The following CFAP47 variants were observed in gnomAD, a reference collection of about 807,000 sequenced individuals.
CFAP47 encodes the protein cilia- and flagella-associated protein 47.
Under a neutral mutation model 148.1 loss-of-function variants are expected in CFAP47, and 29 were observed. The observed-to-expected ratio is 0.20, with a 90% CI of 0.15 to 0.27. The LOEUF is 0.27. Ranked by LOEUF, CFAP47 falls within the 10% of genes least tolerant of loss-of-function variation. The pLI is 1.00. For missense variants in CFAP47, 1,872 were observed against 1,697.5 expected, an observed-to-expected ratio of 1.10 and a Z score of -1.81; for synonymous variants, 664 against 577.3, an observed-to-expected ratio of 1.15 and a Z score of -2.15.
At chrX:35,920,499 A>T (rs1473809216) in intron 1 of CFAP47, among the ~76,000 whole-genome samples, 1 of 111,897 alleles carries the variant, frequency 8.9e-6, no homozygotes, top group Non-Finnish European at 1.9e-5. Context: ...TTAAGCACCT[A>T]CTATATAACG....
rs1941884445 is a variant in CFAP47, at chrX:36,367,029, G to A, written c.9087G>A (p.Leu3029=). The change falls in exon 62 of 64, where the codon TTG becomes TTA. Residue 3029 remains leucine (L), a synonymous_variant. Coordinates refer to ENST00000378653, the MANE Select transcript of CFAP47 (RefSeq NM_001304548.2). ...GGATCTGGAAGTTTCCCATAATGTT[G>A]ATCGCTACTGAACCTGATACGGATG... ...TEGIWKFPIM[L]IATEPDTDAV... is the part of the protein sequence containing the mutation. 4.3e-6 allele frequency: 5 copies of A among 1,153,980 alleles called. No individual in the cohort carries two copies. In the East Asian group the frequency reaches 1.6e-4, roughly 38 times the overall value.
intron 50 of CFAP47, among the ~76,000 whole-genome samples, chrX:36,282,765 C>A (rs1485609924): frequency 9.0e-6 from 1 of 111,599 alleles, no homozygotes; most frequent in Non-Finnish European, 1.9e-5. Flanking sequence ...TCAAAAGATG[C>A]AATTGCATGC....
chrX:36,002,353 G>A (rs775486216), intron 21 of CFAP47, among the ~76,000 whole-genome samples: 214 of 110,712 alleles, frequency 1.9e-3, no homozygotes, highest in African/African-American at 6.8e-3. Context: ...TTGGGAGGCC[G>A]ATGCCAGCGG....
At position 36,020,300 on chromosome X, in the gene CFAP47, T is replaced by C. The variant is rs774134617; in HGVS notation, c.3556+5388T>C. On this transcript the variant is annotated intron_variant, in intron 22 of 63. Coordinates refer to ENST00000378653, the MANE Select transcript of CFAP47 (RefSeq NM_001304548.2). ...GATCCACGTGCTGAGAAGAAGAATA[T>C]ATATTCTGTAGCCATTGGATGAAAT... 4.5e-5 allele frequency among the ~76,000 whole-genome samples: 5 copies of C among 112,231 alleles called. No individual in the cohort carries two copies. In the East Asian group the frequency reaches 1.4e-3, roughly 31 times the overall value.
chrX:36,122,151 G>A (rs1306067839), intron 33 of CFAP47, among the ~76,000 whole-genome samples: 1 of 110,963 alleles, frequency 9.0e-6, no homozygotes, highest in Non-Finnish European at 1.9e-5. Flanking sequence ...GGTTTCTGCT[G>A]AAAAGTCCAC....
intron 62 of CFAP47, among the ~76,000 whole-genome samples, chrX:36,375,945 G>A (rs906155608): frequency 8.0e-5 from 9 of 112,015 alleles, no homozygotes; most frequent in African/African-American, 2.9e-4. Flanking sequence ...CATGGTGGCT[G>A]TGAAGACCCT....
At chrX:36,346,128 A>G (rs1262110916) in intron 57 of CFAP47, among the ~76,000 whole-genome samples, 1 of 111,797 alleles carries the variant, frequency 8.9e-6, no homozygotes, top group African/African-American at 3.2e-5. Flanking sequence ...ACTGATACAA[A>G]TGCCCTGAAG....
At chrX:36,288,457 T>C (rs1422191237) in intron 51 of CFAP47, among the ~76,000 whole-genome samples, 2 of 112,216 alleles carry the variant, frequency 1.8e-5, no homozygotes, top group African/African-American at 6.5e-5. Flanking sequence ...AGCACTGAGC[T>C]ATAAATATTT....
intron 57 of CFAP47, among the ~76,000 whole-genome samples, chrX:36,328,005 A>G (rs183106979): frequency 1.2e-4 from 13 of 111,802 alleles, no homozygotes; most frequent in Admixed American, 2.8e-4. Flanking sequence ...TACTATGCTC[A>G]CTACGTGCAT....
intron 51 of CFAP47, among the ~76,000 whole-genome samples, chrX:36,297,541 A>G (rs1941254370): frequency 8.9e-6 from 1 of 111,987 alleles, no homozygotes; most frequent in South Asian, 3.7e-4. Context: ...CATTTGCTTC[A>G]ATTATAGCTT....
intron 31 of CFAP47, 79 bp from the exon 32 acceptor site, chrX:36,099,672 A>T (rs1280838954): frequency 6.5e-6 from 3 of 463,719 alleles, no homozygotes; most frequent in Non-Finnish European, 1.1e-5. Context: ...AAAGGCATCC[A>T]CATGTTTTGA....
At chrX:36,161,691 T>C (rs1329402220) in intron 39 of CFAP47, among the ~76,000 whole-genome samples, 1 of 112,110 alleles carries the variant, frequency 8.9e-6, no homozygotes, top group Non-Finnish European at 1.9e-5. Context: ...CAGATTCTTA[T>C]GATACTTATA....
intron 15 of CFAP47, among the ~76,000 whole-genome samples, chrX:35,978,707 A>G (rs1438540345): frequency 3.6e-5 from 4 of 111,976 alleles, no homozygotes; most frequent in African/African-American, 1.3e-4. Flanking sequence ...GAATATTTAT[A>G]TAATGATTAC....
intron 48 of CFAP47, among the ~76,000 whole-genome samples, chrX:36,240,897 G>A (rs781947319): frequency 9.0e-6 from 1 of 111,281 alleles, no homozygotes; most frequent in East Asian, 2.8e-4. Flanking sequence ...TGGGGAGGGG[G>A]ACAATACGGC....
intron 33 of CFAP47, among the ~76,000 whole-genome samples, chrX:36,124,784 ATAGT>A (rs1306645875): frequency 2.7e-5 from 3 of 111,296 alleles, no homozygotes; most frequent in Middle Eastern, 4.2e-3. Context: ...TTTTGTGTAG[ATAGT>A]TGTTAAATTT....
At chrX:36,301,023 T>C in intron 52 of CFAP47, 49 bp from the exon 53 acceptor site, 1 of 760,267 alleles carries the variant, frequency 1.3e-6, no homozygotes, top group Non-Finnish European at 2.0e-6. Context: ...CCCAATTTAT[T>C]ACACAAACTA....
chrX:36,301,039 G>A, intron 52 of CFAP47, 33 bp from the exon 53 acceptor site: 1 of 902,537 alleles, frequency 1.1e-6, no homozygotes, highest in Non-Finnish European at 1.6e-6. Context: ...AACTAAAACT[G>A]CTGACAAAAT....
In CFAP47 at chrX:36,008,821, T is replaced by C. The variant is rs1189811871; in HGVS notation, c.3418-5953T>C. 3.6e-5 allele frequency among the ~76,000 whole-genome samples: 4 copies of C among 111,268 alleles called. No homozygotes were observed. In the South Asian group the frequency reaches 1.1e-3, roughly 32 times the overall value. The stretch of plus-strand genomic sequence containing the variant: ...AATAAATAATTTTAAAAAGCCTGCT[T>C]CTTTGAACTTTGTATTGTGTGGCTT... On this transcript the variant is annotated intron_variant, in intron 21 of 63. Coordinates refer to ENST00000378653, the MANE Select transcript of CFAP47 (RefSeq NM_001304548.2).
chrX:36,156,522 T>G (rs1939368658), intron 37 of CFAP47, among the ~76,000 whole-genome samples: 1 of 111,113 alleles, frequency 9.0e-6, no homozygotes, highest in Non-Finnish European at 1.9e-5. Flanking sequence ...ATTATTTTCA[T>G]TGAGCCATAT....
Sources: allele counts gnomAD v4.1 joint callset (sites outside exome capture counted in the v4.1 genomes callset), GRCh38; gene constraint gnomAD v4.1.1; transcripts MANE v1.5; gene names NCBI Gene and HGNC (gene_info 2026-07-23, HGNC 2026-07-21).